IL1RAPL1: variants seen among roughly 807,000 people sequenced by gnomAD.
IL1RAPL1 encodes interleukin-1 receptor accessory protein-like 1.
In IL1RAPL1, 3 loss-of-function variants were observed where a neutral mutation model predicts 48.4. The observed-to-expected ratio is 0.06, with a 90% CI of 0.03 to 0.16. The LOEUF is 0.16. IL1RAPL1 is among the 10% of genes least tolerant of loss of function. The pLI, the probability that IL1RAPL1 is intolerant of heterozygous loss-of-function variation, is 1.00. For missense variants in IL1RAPL1, 349 were observed against 530.6 expected, an observed-to-expected ratio of 0.66 and a Z score of 3.36; for synonymous variants, 185 against 187.7, an observed-to-expected ratio of 0.99 and a Z score of 0.12.
chrX:29,227,120 A>G (rs1931098334), intron 2 of IL1RAPL1, among the ~76,000 whole-genome samples: 1 of 110,786 alleles, frequency 9.0e-6, no homozygotes, highest in Non-Finnish European at 1.9e-5. Context: ...TCAACATTCT[A>G]AAATGCAATC....
chrX:29,434,843 T>C (rs1055361136), intron 5 of IL1RAPL1, among the ~76,000 whole-genome samples: 1 of 111,194 alleles, frequency 9.0e-6, no homozygotes, highest in Non-Finnish European at 1.9e-5. Flanking sequence ...ATACACTATT[T>C]TAGCCATTTT....
At chrX:28,875,509 A>C (rs894265418) in intron 2 of IL1RAPL1, among the ~76,000 whole-genome samples, 3 of 112,103 alleles carry the variant, frequency 2.7e-5, no homozygotes, top group Non-Finnish European at 5.6e-5. Context: ...TGTCTATTTC[A>C]GGATGGAGTT....
intron 6 of IL1RAPL1, among the ~76,000 whole-genome samples, chrX:29,910,709 C>A (rs185645043): frequency 4.5e-5 from 5 of 111,280 alleles, no homozygotes; most frequent in African/African-American, 1.6e-4. Context: ...CAATGAGAAG[C>A]CTTTTTATCT....
intron 2 of IL1RAPL1, among the ~76,000 whole-genome samples, chrX:29,246,752 G>T (rs1602133183): frequency 9.0e-6 from 1 of 111,355 alleles, no homozygotes; most frequent in South Asian, 3.8e-4. Context: ...TCTTCCCAAT[G>T]AGGTAAGGTT....
At chrX:29,074,936 G>C (rs1428568583) in intron 2 of IL1RAPL1, among the ~76,000 whole-genome samples, 2 of 112,130 alleles carry the variant, frequency 1.8e-5, no homozygotes, top group Non-Finnish European at 3.8e-5. Flanking sequence ...AAAAAAATTA[G>C]AGTAGTTTAA....
At chrX:29,605,629 A>G (rs1443421075) in intron 5 of IL1RAPL1, among the ~76,000 whole-genome samples, 2 of 111,823 alleles carry the variant, frequency 1.8e-5, no homozygotes, top group Non-Finnish European at 3.8e-5. Context: ...TGCTAAAAAG[A>G]AAAAGAGCTG....
At chrX:29,873,167 A>G (rs1049134772) in intron 6 of IL1RAPL1, among the ~76,000 whole-genome samples, 20 of 111,084 alleles carry the variant, frequency 1.8e-4, no homozygotes, top group Admixed American at 4.8e-4. Context: ...GACATAACCC[A>G]CCAGACAGTA....
At chrX:29,752,291 A>G (rs755896878) in intron 6 of IL1RAPL1, among the ~76,000 whole-genome samples, 76 of 106,656 alleles carry the variant, frequency 7.1e-4, no homozygotes, top group Middle Eastern at 4.8e-3. Context: ...AGGTCAGGAG[A>G]TCGAGAACAT....
intron 2 of IL1RAPL1, among the ~76,000 whole-genome samples, chrX:29,195,547 T>G: frequency 9.9e-6 from 1 of 101,293 alleles, no homozygotes; most frequent in South Asian, 4.9e-4. Context: ...TTCATTTATC[T>G]AACTAATTAC....
intron 2 of IL1RAPL1, among the ~76,000 whole-genome samples, chrX:28,973,735 G>A (rs927948954): frequency 1.8e-5 from 2 of 112,035 alleles, no homozygotes; most frequent in South Asian, 7.4e-4. Flanking sequence ...CATCAGCCCA[G>A]GTGTCTTTCC....
At chrX:28,804,872 A>C (rs1240700792) in intron 2 of IL1RAPL1, among the ~76,000 whole-genome samples, 1 of 111,534 alleles carries the variant, frequency 9.0e-6, no homozygotes, top group Non-Finnish European at 1.9e-5. Context: ...TTTTACATAA[A>C]ATAGTTTGAT....
At chrX:29,647,076 G>A (rs1021088751) in intron 5 of IL1RAPL1, among the ~76,000 whole-genome samples, 19 of 112,506 alleles carry the variant, frequency 1.7e-4, no homozygotes, top group African/African-American at 2.9e-4. Context: ...TAGGCCGAGC[G>A]TGGTGGCTCA....
At chrX:29,558,501 C>A (rs1189952676) in intron 5 of IL1RAPL1, among the ~76,000 whole-genome samples, 1 of 111,800 alleles carries the variant, frequency 8.9e-6, no homozygotes, top group African/African-American at 3.2e-5. Context: ...TCTCTTCACT[C>A]TGCTAATTGT....
chrX:28,967,382 C>T (rs939070068), intron 2 of IL1RAPL1, among the ~76,000 whole-genome samples: 21 of 110,664 alleles, frequency 1.9e-4, no homozygotes, highest in African/African-American at 6.9e-4. Flanking sequence ...TTATATATAA[C>T]TTCCTTTCCT....
At chrX:28,839,025 A>G (rs1921296475) in intron 2 of IL1RAPL1, among the ~76,000 whole-genome samples, 1 of 111,735 alleles carries the variant, frequency 8.9e-6, no homozygotes, top group South Asian at 3.6e-4. Context: ...AGAAGCTTTG[A>G]AATAAACCAT....
At chrX:29,759,822 G>A in intron 6 of IL1RAPL1, among the ~76,000 whole-genome samples, 1 of 111,708 alleles carries the variant, frequency 9.0e-6, no homozygotes, top group East Asian at 2.8e-4. Context: ...CAAAATTATT[G>A]CTAGGCCCTT....
intron 1 of IL1RAPL1, among the ~76,000 whole-genome samples, chrX:28,785,824 G>A (rs1936467340): frequency 8.9e-6 from 1 of 111,954 alleles, no homozygotes; most frequent in African/African-American, 3.2e-5. Flanking sequence ...GAGCCTTTTT[G>A]ATTAGACTCC....
At chrX:29,511,996 A>G (rs905973115) in intron 5 of IL1RAPL1, among the ~76,000 whole-genome samples, 6 of 111,408 alleles carry the variant, frequency 5.4e-5, no homozygotes, top group Admixed American at 4.8e-4. Context: ...TTAAAAATAA[A>G]TGGATTGATA....
chrX:28,848,296 G>A (rs1467011288), intron 2 of IL1RAPL1, among the ~76,000 whole-genome samples: 2 of 111,163 alleles, frequency 1.8e-5, no homozygotes, highest in African/African-American at 3.3e-5. Flanking sequence ...AAACCTGCAC[G>A]TTCTGCACAT....
Sources: allele counts gnomAD v4.1 joint callset (sites outside exome capture counted in the v4.1 genomes callset), GRCh38; gene constraint gnomAD v4.1.1; transcripts MANE v1.5; gene names NCBI Gene and HGNC (gene_info 2026-07-23, HGNC 2026-07-21).